PKHD1: variants seen among roughly 807,000 people sequenced by gnomAD.
PKHD1 encodes the protein PKHD1 ciliary IPT domain containing fibrocystin/polyductin, also known as fibrocystin.
Under a neutral mutation model 412.0 loss-of-function variants are expected in PKHD1, and 291 were observed. That is an observed-to-expected ratio of 0.71 (90% CI 0.64 to 0.78). The LOEUF (loss-of-function observed/expected upper bound fraction) is 0.78. PKHD1 is among the 30% of genes least tolerant of loss of function. The probability of loss-of-function intolerance (pLI) is 0.00; values close to 1 mark genes in which losing one functional copy is unlikely to be tolerated. For missense variants in PKHD1, 4,825 were observed against 4,950.7 expected (o/e 0.97, Z 0.76); for synonymous variants, 1,777 against 1,821.5 (o/e 0.98, Z 0.62).
At position 51,867,969 on chromosome 6, in the gene PKHD1, T is replaced by C. The variant is rs778012229; in HGVS notation, c.7627A>G (p.Met2543Val). ...GKNRSHILAS[M>V]ETLSASCLVN... is the part of the protein sequence containing the mutation. ...AAACAAGAAGCTGAAAGGGTTTCCA[T>C]AGAAGCAAGAATGTGACTTCTGTTT... Residue 2543 changes from methionine (M) to valine (V), a missense_variant, in exon 48 of 67, where the codon ATG (methionine) becomes GTG (valine). Coordinates refer to ENST00000371117, the MANE Select transcript of PKHD1 (RefSeq NM_138694.4). 65 of 1,613,588 alleles carry C rather than the reference T, an allele frequency of 4.0e-5. No homozygotes were observed. The highest frequency in any genetic ancestry group is 1.6e-4 in the Middle Eastern group (1 of 6,062).
At chr6:51,632,342 T>A (rs890108960) in intron 65 of PKHD1, among the ~76,000 whole-genome samples, 6 of 152,172 alleles carry the variant, frequency 3.9e-5, no homozygotes, top group Non-Finnish European at 7.4e-5. Context: ...ATAGTGAGTA[T>A]TTAGTTAACA....
chr6:52,043,810 C>A, intron 25 of PKHD1, 80 bp from the exon 26 acceptor site: 1 of 910,438 alleles, frequency 1.1e-6, no homozygotes, highest in South Asian at 1.3e-5. Context: ...GTGAAGTGCT[C>A]CCAAGCTGAC....
At chr6:51,642,929 A>G (rs192254223) in intron 63 of PKHD1, among the ~76,000 whole-genome samples, 33 of 152,292 alleles carry the variant, frequency 2.2e-4, no homozygotes, top group Admixed American at 9.8e-4. Context: ...AATGTAAGGC[A>G]TGAGTATGGG....
chr6:51,750,896 C>A (rs543304052), intron 57 of PKHD1, among the ~76,000 whole-genome samples: 1 of 152,120 alleles, frequency 6.6e-6, no homozygotes, highest in African/African-American at 2.4e-5. Context: ...ACCACCTCAG[C>A]CTCCCAAGTA....
chr6:51,746,715 T>C lies in PKHD1; in HGVS notation c.9998+6A>G, dbSNP rs745789760. The C allele has an allele frequency of 5.1e-6, 8 of 1,562,816 alleles. No individual in the cohort carries two copies. In the Admixed American group the frequency reaches 1.3e-4, roughly 26 times the overall value. On this transcript the variant is annotated splice_donor_region_variant and intron_variant, in intron 59 of 66. Transcript: ENST00000371117. The stretch of plus-strand genomic sequence containing the variant: ...TATGGCTTATTATAAATACTAAAAA[T>C]TATACCTGGGTTGTAATGAAGGAAA...
chr6:51,794,650 T>C (rs925758362), intron 52 of PKHD1, among the ~76,000 whole-genome samples: 1 of 152,230 alleles, frequency 6.6e-6, no homozygotes, highest in Admixed American at 6.5e-5. Flanking sequence ...TTTATGGTTG[T>C]GAGCTTTACA....
chr6:51,705,507 A>G (rs1779915067), intron 60 of PKHD1, among the ~76,000 whole-genome samples: 1 of 152,102 alleles, frequency 6.6e-6, no homozygotes, highest in South Asian at 2.1e-4. Context: ...AAGAGCCTCA[A>G]AAATAGTTTG....
At chr6:51,906,097 T>C in intron 41 of PKHD1, 118 bp downstream of exon 41, 1 of 842,726 alleles carries the variant, frequency 1.2e-6, no homozygotes, top group East Asian at 2.6e-5. Context: ...AGCCCATTTC[T>C]AGTGATCATA....
Position 51,659,295 on chromosome 6 carries a change from T to G in PKHD1, c.10831A>C (p.Ile3611Leu), listed in dbSNP as rs1298906012. Residue 3611 changes from isoleucine (I) to leucine (L), a missense_variant, in exon 61 of 67, where the codon ATT (isoleucine) becomes CTT (leucine). Physicochemically the swap from Ile to Leu is conservative, Grantham distance 5. Coordinates refer to ENST00000371117, the MANE Select transcript of PKHD1 (RefSeq NM_138694.4). Reference sequence around the variant, plus strand: ...TTTCTTTTTGCTCTACTGTCAGCAATGGCCTTTAAGGTCTCTTCATGGCCA... The same window carrying G: ...TTTCTTTTTGCTCTACTGTCAGCAAGGGCCTTTAAGGTCTCTTCATGGCCA... Reference protein sequence around the residue: ...MPGHEETLKAIADSRAKRKRN... With the variant: ...MPGHEETLKALADSRAKRKRN... 1.2e-6 allele frequency: 2 copies of G among 1,613,884 alleles called. No homozygotes were observed. The highest frequency in any genetic ancestry group is 4.5e-5 in the East Asian group (2 of 44,854).
chr6:51,767,881 G>A (rs1297922725), intron 55 of PKHD1, among the ~76,000 whole-genome samples: 6 of 152,114 alleles, frequency 3.9e-5, no homozygotes, highest in Non-Finnish European at 7.3e-5. Flanking sequence ...AGATCCCCAA[G>A]GAATCGCCAC....
At chr6:52,053,012 C>A in intron 21 of PKHD1, 64 bp downstream of exon 21, 1 of 1,499,150 alleles carries the variant, frequency 6.7e-7, no homozygotes, top group Non-Finnish European at 9.3e-7. Context: ...ACAGTAACCC[C>A]TAGCAGGAAA....
At chr6:51,920,838 G>A (rs1353775966) in intron 37 of PKHD1, among the ~76,000 whole-genome samples, 2 of 151,948 alleles carry the variant, frequency 1.3e-5, no homozygotes, top group Non-Finnish European at 2.9e-5. Flanking sequence ...ACTTCTTCCT[G>A]GTTTAGTCTT....
intron 52 of PKHD1, among the ~76,000 whole-genome samples, chr6:51,815,377 T>G (rs9474084): frequency 0.51 from 77,602 of 151,948 alleles, 20,231 homozygotes; most frequent in Middle Eastern, 0.64. Context: ...TTAAATCAAA[T>G]GAGGATTCGG....
chr6:52,048,501 C>T lies in PKHD1; in HGVS notation c.2398G>A (p.Val800Met), dbSNP rs756695214. 6 of 1,613,982 alleles carry T rather than the reference C, an allele frequency of 3.7e-6. No homozygotes were observed. The highest frequency in any genetic ancestry group is 5.1e-6 in the Non-Finnish European group (6 of 1,179,994). The change falls in exon 23 of 67, where the codon GTG becomes ATG. Residue 800 changes from valine (V) to methionine (M), a missense_variant. Physicochemically the swap from Val to Met is conservative, Grantham distance 21 (BLOSUM62 1). Transcript: ENST00000371117. ...CCAATCACCCCTTTACCAGAAATCA[C>T]TGTATTAGGAAGCTGGATGCGAAAG... is the stretch of plus-strand genomic sequence containing the variant. The part of the protein sequence containing the change: ...GHFRIQLPNT[V>M]ISDVPVQISA...
chr6:51,681,923 C>T (rs147497499), intron 60 of PKHD1, among the ~76,000 whole-genome samples: 23 of 152,190 alleles, frequency 1.5e-4, no homozygotes, highest in East Asian at 5.8e-4. Context: ...AACATGTTTG[C>T]CAGTCTCTGT....
rs749579192 is a variant in PKHD1, at chr6:51,619,424, C to T, written c.11882G>A (p.Arg3961Gln). ...AGCAGGCACAGCAGCCTCTTCCTCT[C>T]GGACAATGTGGCGGCTAACTTTCCT... ...SRRKVSRHIV[R>Q]EEEAAVPAPG... Residue 3961 changes from arginine (R) to glutamine (Q), a missense_variant, in exon 67 of 67, where the codon CGA becomes CAA. Arg to Gln is a conservative substitution (Grantham distance 43). Coordinates refer to ENST00000371117, the MANE Select transcript of PKHD1 (RefSeq NM_138694.4). 19 of 1,613,610 alleles carry T rather than the reference C, an allele frequency of 1.2e-5. No individual in the cohort carries two copies. The highest frequency in any genetic ancestry group is 3.3e-5 in the South Asian group (3 of 91,064).
chr6:51,815,551 T>C (rs573580470), intron 52 of PKHD1, among the ~76,000 whole-genome samples: 42 of 152,172 alleles, frequency 2.8e-4, no homozygotes, highest in Non-Finnish European at 5.4e-4. Context: ...GGAAAAGAAA[T>C]AGTCGATTCC....
At chr6:51,702,227 A>ATTATAAGTATAATATATAATATAT (rs1239369741) in intron 60 of PKHD1, among the ~76,000 whole-genome samples, 1 of 147,976 alleles carries the variant, frequency 6.8e-6, no homozygotes, top group African/African-American at 2.5e-5. Context: ...TATTATATAT[A>ATTATAAGTATAATATATAATATAT]TGTCATGGAA....
chr6:51,770,870 T>C (rs1226030608), intron 55 of PKHD1, among the ~76,000 whole-genome samples: 1 of 152,072 alleles, frequency 6.6e-6, no homozygotes, highest in African/African-American at 2.4e-5. Context: ...AATCTAGGTG[T>C]TACTGTGAAG....
Sources: allele counts gnomAD v4.1 joint callset (sites outside exome capture counted in the v4.1 genomes callset), GRCh38; gene constraint gnomAD v4.1.1; transcripts MANE v1.5; gene names NCBI Gene and HGNC (gene_info 2026-07-23, HGNC 2026-07-21).